OGDH: variants seen among roughly 807,000 people sequenced by gnomAD.
The protein encoded by OGDH is 2-oxoglutarate dehydrogenase complex component E1.
A neutral mutation model predicts 116.6 loss-of-function variants in OGDH; 38 were observed. That is an observed-to-expected ratio of 0.33 (90% CI 0.25 to 0.43). The LOEUF (loss-of-function observed/expected upper bound fraction) is 0.43. Among genes scored for constraint, OGDH ranks in the 20% least tolerant of loss-of-function variants. The pLI, the probability that OGDH is intolerant of heterozygous loss-of-function variation, is 1.00. For missense variants in OGDH, 825 were observed against 1,357.2 expected (o/e 0.61, Z 6.16); for synonymous variants, 488 against 533.3 (o/e 0.92, Z 1.17).
At chr7:44,625,403 G>GT (rs1450749035) in intron 2 of OGDH, among the ~76,000 whole-genome samples, 1 of 152,180 alleles carries the variant, frequency 6.6e-6, no homozygotes, top group Non-Finnish European at 1.5e-5. Flanking sequence ...GGGATTACAG[G>GT]TATGATCAAC....
chr7:44,640,094 CAG>C, intron 2 of OGDH, among the ~76,000 whole-genome samples: 1 of 152,128 alleles, frequency 6.6e-6, no homozygotes. Context: ...GGCTCAGGAC[CAG>C]AGAGCTGACC....
intron 1 of OGDH, among the ~76,000 whole-genome samples, chr7:44,616,617 GTA>G (rs60999721): frequency 6.8e-6 from 1 of 146,024 alleles, no homozygotes; most frequent in Non-Finnish European, 1.5e-5. Context: ...ATATATATAT[GTA>G]TATATATATA....
intron 2 of OGDH, among the ~76,000 whole-genome samples, chr7:44,636,870 T>A (rs1215953419): frequency 2.6e-5 from 4 of 152,168 alleles, no homozygotes; most frequent in Non-Finnish European, 5.9e-5. Flanking sequence ...CATGTTTAAG[T>A]CATCTCAGCA....
chr7:44,680,750 G>T (rs1056601537), intron 9 of OGDH, among the ~76,000 whole-genome samples: 2 of 152,124 alleles, frequency 1.3e-5, no homozygotes, highest in Non-Finnish European at 2.9e-5. Flanking sequence ...TATTGTCCAG[G>T]GCTGGACAGG....
chr7:44,671,042 A>C (rs1020092375), intron 5 of OGDH, among the ~76,000 whole-genome samples: 1 of 151,950 alleles, frequency 6.6e-6, no homozygotes, highest in Non-Finnish European at 1.5e-5. Flanking sequence ...AAGAAAAAAA[A>C]GAAAATATGG....
chr7:44,629,979 G>A (rs776702051), intron 2 of OGDH, among the ~76,000 whole-genome samples: 1 of 152,162 alleles, frequency 6.6e-6, no homozygotes, highest in Non-Finnish European at 1.5e-5. Context: ...GTCTCTATGC[G>A]TTCAGATTAC....
chr7:44,686,309 G>A (rs1027483129), intron 10 of OGDH, among the ~76,000 whole-genome samples: 1 of 152,126 alleles, frequency 6.6e-6, no homozygotes, highest in Admixed American at 6.6e-5. Flanking sequence ...CCCTTACCAT[G>A]GCTAGGGGAG....
intron 1 of OGDH, among the ~76,000 whole-genome samples, chr7:44,607,352 C>T (rs1684665562): frequency 2.0e-5 from 3 of 152,176 alleles, no homozygotes; most frequent in Non-Finnish European, 4.4e-5. Flanking sequence ...GAGTTGTAAT[C>T]TACTGAGATT....
At chr7:44,626,048 G>A (rs966843989) in intron 2 of OGDH, among the ~76,000 whole-genome samples, 2 of 152,028 alleles carry the variant, frequency 1.3e-5, no homozygotes, top group Non-Finnish European at 2.9e-5. Flanking sequence ...TTTCAGGAAT[G>A]CCACTTTGTC....
chr7:44,650,438 C>T (rs923829455), intron 4 of OGDH, among the ~76,000 whole-genome samples: 3 of 152,208 alleles, frequency 2.0e-5, no homozygotes, highest in Non-Finnish European at 2.9e-5. Context: ...ATCACCTCAT[C>T]TGTAAGGCAG....
In OGDH at chr7:44,700,262, G is replaced by A. The variant is rs1788768405; in HGVS notation, c.2552G>A (p.Arg851Gln). 3 of 1,614,130 alleles carry A rather than the reference G, an allele frequency of 1.9e-6. No homozygotes were observed. Among genetic ancestry groups the A allele is most frequent in the Non-Finnish European group, 1.7e-6 (2 of 1,179,992 alleles). ...VLRRQILLPF[R>Q]KPLIIFTPKS... The stretch of plus-strand genomic sequence containing the variant: ...CGACGCCAGATCCTGCTGCCATTCC[G>A]GAAGCCGGTCAGTGGCAGGGCCTCC... Residue 851 changes from arginine to glutamine, a missense_variant, in exon 19 of 23, where the codon CGG becomes CAG. This residue lies in a region of OGDH where 212 missense variants were observed against 284.3 expected (regional missense o/e 0.75). Transcript: ENST00000222673.
At chr7:44,622,457 T>C (rs1022405039) in intron 1 of OGDH, among the ~76,000 whole-genome samples, 1 of 152,162 alleles carries the variant, frequency 6.6e-6, no homozygotes, top group African/African-American at 2.4e-5. Context: ...TTTTGTTTGT[T>C]GTTCAGTTTG....
chr7:44,644,068 G>T (rs911066898), intron 2 of OGDH, among the ~76,000 whole-genome samples: 1 of 152,152 alleles, frequency 6.6e-6, no homozygotes, highest in Non-Finnish European at 1.5e-5. Flanking sequence ...TTATAAGCCT[G>T]GTGGCGTGCT....
At position 44,707,762 on chromosome 7, in the gene OGDH, G is replaced by C. The variant is rs1158130351; in HGVS notation, c.2951+26G>C. ...GTAAGGCTTCAGTCCCTGCCAGGAA[G>C]GCTGTGGGACCCTCCCCTCAGGCCA... is the stretch of plus-strand genomic sequence containing the variant. On this transcript the variant is annotated intron_variant, in intron 22 of 22. Coordinates refer to ENST00000222673, the MANE Select transcript of OGDH (RefSeq NM_002541.4). This position sits in a 1 kb window ranked among gnomAD's most constrained non-coding sequence, Gnocchi z 5.2. The C allele has an allele frequency of 1.2e-6, 2 of 1,613,916 alleles. No individual in the cohort carries two copies. Among genetic ancestry groups the C allele is most frequent in the Admixed American group, 3.3e-5 (2 of 60,020 alleles).
rs1786080042 is a variant in OGDH at position 44,644,379 on chromosome 7, C to T, written c.223-948C>T. On this transcript the variant is annotated intron_variant, in intron 2 of 22. Coordinates refer to ENST00000222673, the MANE Select transcript of OGDH (RefSeq NM_002541.4). ...CAAATTGTAAATCAAATAATTCAGA[C>T]ATGGAATAGCCAAAAATAGTAGGAA... Among the ~76,000 whole-genome samples, 3 of 152,140 alleles carry T rather than the reference C, an allele frequency of 2.0e-5. No homozygotes were observed. In the South Asian group the frequency reaches 6.2e-4, roughly 31 times the overall value.
At chr7:44,699,942 C>T (rs1440430286) in intron 18 of OGDH, among the ~76,000 whole-genome samples, 199 bp from the exon 19 acceptor site, 2 of 152,178 alleles carry the variant, frequency 1.3e-5, no homozygotes, top group Non-Finnish European at 2.9e-5. Context: ...AGTGAGAGCT[C>T]ACTCATCACC....
At position 44,697,665 on chromosome 7, in the gene OGDH, T is replaced by C. The variant is rs1788646972; in HGVS notation, c.2241T>C (p.Phe747=). Residue 747 remains phenylalanine (F), a synonymous_variant, in exon 17 of 23, where the codon TTT becomes TTC. Coordinates refer to ENST00000222673, the MANE Select transcript of OGDH (RefSeq NM_002541.4). The surrounding 1 kb of genome is among the most constrained non-coding windows in gnomAD (Gnocchi z 6.0). The part of the protein sequence containing the change: ...PNALVLWEAQ[F]GDFHNTAQCI... ...CCCTGGTCCTCTGGGAAGCCCAATT[T>C]GGTGACTTCCACAACACGGCCCAGT... The C allele has an allele frequency of 1.2e-6, 2 of 1,614,148 alleles. No individual in the cohort carries two copies. The highest frequency in any genetic ancestry group is 1.7e-6 in the Non-Finnish European group (2 of 1,180,060).
Position 44,669,145 on chromosome 7 carries a change from CTTTTTTTT to C in OGDH, c.633+2312_633+2319del, listed in dbSNP as rs869250474. Among the ~76,000 whole-genome samples the C allele has an allele frequency of 7.8e-3, 606 of 77,812 alleles. 17 individuals carry two copies. The highest frequency in any genetic ancestry group is 0.037 in the African/African-American group (509 of 13,678). The allele number at this position is 77,812 out of a possible 152,430, so 51.0% of individuals were successfully genotyped here. ...GAGTCCCCTGTGGGGAGCCCGGCAGCTTTTTTTTTTTTTTTTTTTTTTTTTGAGACAGG... is the reference window on the plus strand; with the variant it reads ...GAGTCCCCTGTGGGGAGCCCGGCAGCTTTTTTTTTTTTTTTTTGAGACAGG... On this transcript the variant is annotated intron_variant, in intron 5 of 22. Coordinates refer to ENST00000222673, the MANE Select transcript of OGDH (RefSeq NM_002541.4).
chr7:44,674,535 G>A lies in OGDH; in HGVS notation c.913G>A (p.Val305Met), dbSNP rs200004357. 8.9e-5 allele frequency: 144 copies of A among 1,614,116 alleles called. No individual in the cohort carries two copies. The East Asian group carries it at 1.1e-3, about 12-fold the overall frequency. ...GTCTAGTGAGAATGGCGTGGACTACGTGATCATGGGCATGCCACACAGGTA... is the reference window on the plus strand; with the variant it reads ...GTCTAGTGAGAATGGCGTGGACTACATGATCATGGGCATGCCACACAGGTA... ...DKSSENGVDY[V>M]IMGMPHRGRL... Residue 305 changes from valine to methionine, a missense_variant, in exon 7 of 23, where the codon GTG becomes ATG. By Grantham distance (21) the Val-to-Met change is conservative. Transcript: ENST00000222673.
Sources: gnomAD v4.1 joint callset for allele counts (sites outside exome capture counted in the v4.1 genomes callset) on GRCh38, gnomAD v4.1.1 for gene constraint, gnomAD v4.1.1 regional missense constraint, Gnocchi (gnomAD v3.1) non-coding constraint, MANE v1.5 for transcripts, NCBI Gene and HGNC (gene_info 2026-07-23, HGNC 2026-07-21) for gene names.